KCTD8: variants seen among roughly 807,000 people sequenced by gnomAD.
The protein encoded by KCTD8 is BTB/POZ domain-containing protein KCTD8.
Under a neutral mutation model 31.5 loss-of-function variants are expected in KCTD8, and 27 were observed. That is an observed-to-expected ratio of 0.86 (90% CI 0.63 to 1.18). KCTD8 has a LOEUF of 1.18. Among genes scored for constraint, KCTD8 ranks in the 50% most tolerant of loss-of-function variants. The pLI is 0.00. For missense variants in KCTD8, 658 were observed against 647.7 expected, an observed-to-expected ratio of 1.02 and a Z score of -0.17; for synonymous variants, 290 against 280.0, an observed-to-expected ratio of 1.04 and a Z score of -0.36.
chr4:44,443,454 A>T (rs1274090763), intron 1 of KCTD8, among the ~76,000 whole-genome samples: 1 of 152,210 alleles, frequency 6.6e-6, no homozygotes, highest in Non-Finnish European at 1.5e-5. Flanking sequence ...CAACTCAACT[A>T]GTTTTCTTCA....
intron 1 of KCTD8, among the ~76,000 whole-genome samples, chr4:44,204,955 C>T (rs1273255747): frequency 6.6e-6 from 1 of 151,894 alleles, no homozygotes; most frequent in Non-Finnish European, 1.5e-5. Context: ...ATTAATTACA[C>T]TCAGTGTAAC....
At chr4:44,418,725 A>T (rs1577664129) in intron 1 of KCTD8, among the ~76,000 whole-genome samples, 1 of 152,328 alleles carries the variant, frequency 6.6e-6, no homozygotes, top group East Asian at 1.9e-4. Context: ...CCTTGATCAA[A>T]TCACACTTAA....
chr4:44,311,915 T>A (rs1288521666), intron 1 of KCTD8, among the ~76,000 whole-genome samples: 5 of 150,864 alleles, frequency 3.3e-5, no homozygotes, highest in Non-Finnish European at 7.4e-5. Context: ...TAACTGAAAC[T>A]AATGAAGACC....
intron 1 of KCTD8, among the ~76,000 whole-genome samples, chr4:44,242,344 C>T (rs1363518362): frequency 2.0e-5 from 3 of 151,750 alleles, no homozygotes; most frequent in Non-Finnish European, 2.9e-5. Flanking sequence ...TTTGGGAGGC[C>T]GACGCAGGCG....
chr4:44,297,955 T>C (rs1167035560), intron 1 of KCTD8, among the ~76,000 whole-genome samples: 1 of 152,194 alleles, frequency 6.6e-6, no homozygotes, highest in Non-Finnish European at 1.5e-5. Flanking sequence ...CTTTTCATTG[T>C]ACTTGTAATA....
chr4:44,409,363 A>C (rs1720897708), intron 1 of KCTD8, among the ~76,000 whole-genome samples: 1 of 152,108 alleles, frequency 6.6e-6, no homozygotes, highest in African/African-American at 2.4e-5. Context: ...TGGCTTTTTC[A>C]AGACAGACAT....
chr4:44,316,868 C>T (rs1577612121), intron 1 of KCTD8, among the ~76,000 whole-genome samples: 1 of 136,886 alleles, frequency 7.3e-6, no homozygotes, highest in Non-Finnish European at 1.5e-5. Context: ...GTCCCAGATA[C>T]TTGGGAGGCT....
chr4:44,294,071 C>T (rs947272512), intron 1 of KCTD8, among the ~76,000 whole-genome samples: 8 of 151,918 alleles, frequency 5.3e-5, no homozygotes, highest in Non-Finnish European at 1.0e-4. Flanking sequence ...AAAGGTTTAA[C>T]GAAATTGACA....
chr4:44,214,954 A>G lies in KCTD8; in HGVS notation c.962-39704T>C, dbSNP rs181014541. On this transcript the variant is annotated intron_variant, in intron 1 of 1. Coordinates refer to ENST00000360029, the MANE Select transcript of KCTD8 (RefSeq NM_198353.3). Reference sequence around the variant, plus strand: ...GATCAGTACTTGAGATATTTTGCAGACTCTATATTTGACAAATCAGCTGGC... The same window carrying G: ...GATCAGTACTTGAGATATTTTGCAGGCTCTATATTTGACAAATCAGCTGGC... 9.0e-4 allele frequency among the ~76,000 whole-genome samples: 137 copies of G among 152,228 alleles called. 1 individual carries two copies. Among genetic ancestry groups the G allele is most frequent in the African/African-American group, 3.0e-3 (125 of 41,536 alleles).
rs564328960 is a variant in KCTD8 at position 44,402,079 on chromosome 4, C to A, written c.961+45484G>T. Among the ~76,000 whole-genome samples the A allele has an allele frequency of 3.9e-5, 6 of 152,194 alleles. No homozygotes were observed. In the South Asian group the frequency reaches 1.2e-3, roughly 32 times the overall value. On this transcript the variant is annotated intron_variant, in intron 1 of 1. Coordinates refer to ENST00000360029, the MANE Select transcript of KCTD8 (RefSeq NM_198353.3). ...GAAAGTCAATATTCTGAAGCAAAAA[C>A]TGAATTCACAAAGGTAAAGTGGACG...
rs1056059468 is a variant in KCTD8 at position 44,275,791 on chromosome 4, G to T, written c.962-100541C>A. 8.5e-5 allele frequency among the ~76,000 whole-genome samples: 13 copies of T among 152,090 alleles called. No homozygotes were observed. In the South Asian group the frequency reaches 1.2e-3, roughly 15 times the overall value. ...GGGCAATATTCAGAGAGGTTCAAAT[G>T]CCAGCCTAGGGAGAATGCTCTCAGC... On this transcript the variant is annotated intron_variant, in intron 1 of 1. Coordinates refer to ENST00000360029, the MANE Select transcript of KCTD8 (RefSeq NM_198353.3).
intron 1 of KCTD8, chr4:44,293,299 C>T: frequency 3.3e-6 from 1 of 298,574 alleles, no homozygotes. Flanking sequence ...TATAGTCAAC[C>T]AAATTACTGA....
At chr4:44,443,204 T>C (rs775120370) in intron 1 of KCTD8, among the ~76,000 whole-genome samples, 5 of 152,224 alleles carry the variant, frequency 3.3e-5, no homozygotes, top group African/African-American at 4.8e-5. Flanking sequence ...AATTTTCACA[T>C]TGTAATTGTA....
intron 1 of KCTD8, among the ~76,000 whole-genome samples, chr4:44,254,436 C>T (rs1319773828): frequency 6.6e-6 from 1 of 151,886 alleles, no homozygotes; most frequent in Non-Finnish European, 1.5e-5. Context: ...GCAATCTCTG[C>T]TAAGTCTTAT....
chr4:44,270,004 C>T (rs953138171), intron 1 of KCTD8, among the ~76,000 whole-genome samples: 1 of 152,056 alleles, frequency 6.6e-6, no homozygotes, highest in African/African-American at 2.4e-5. Context: ...GGATCTAGAA[C>T]TAGAAATACC....
At chr4:44,276,063 T>C (rs960091038) in intron 1 of KCTD8, among the ~76,000 whole-genome samples, 2 of 151,958 alleles carry the variant, frequency 1.3e-5, no homozygotes, top group Non-Finnish European at 2.9e-5. Flanking sequence ...AAGAGTGGCA[T>C]CCCAAGGGTG....
intron 1 of KCTD8, among the ~76,000 whole-genome samples, chr4:44,253,003 T>C (rs966241310): frequency 4.0e-5 from 6 of 151,806 alleles, no homozygotes; most frequent in African/African-American, 1.4e-4. Context: ...ATTCACTGAA[T>C]GGCTGAAAAT....
At chr4:44,302,729 G>T (rs1015296334) in intron 1 of KCTD8, among the ~76,000 whole-genome samples, 13 of 151,716 alleles carry the variant, frequency 8.6e-5, no homozygotes, top group South Asian at 2.1e-4. Flanking sequence ...CTGCCTAATT[G>T]CCCTGGCCAG....
intron 1 of KCTD8, among the ~76,000 whole-genome samples, chr4:44,306,451 T>C (rs996653347): frequency 3.3e-5 from 5 of 152,064 alleles, no homozygotes; most frequent in African/African-American, 9.7e-5. Flanking sequence ...TAATATAATT[T>C]AAACATCTTC....
Sources: allele counts gnomAD v4.1 joint callset (sites outside exome capture counted in the v4.1 genomes callset), GRCh38; gene constraint gnomAD v4.1.1; transcripts MANE v1.5; gene names NCBI Gene and HGNC (gene_info 2026-07-23, HGNC 2026-07-21).